TLE6: variants seen among roughly 807,000 people sequenced by gnomAD.
The protein encoded by TLE6 is transducin-like enhancer protein 6.
In TLE6, 72 loss-of-function variants were observed where a neutral mutation model predicts 77.1. That is an observed-to-expected ratio of 0.93 (90% CI 0.77 to 1.14). The LOEUF is 1.14. TLE6 is among the 50% of genes most tolerant of loss of function. TLE6 has a pLI of 0.00. For missense variants in TLE6, 843 were observed against 747.6 expected, an observed-to-expected ratio of 1.13 and a Z score of -1.49; for synonymous variants, 366 against 287.3, an observed-to-expected ratio of 1.27 and a Z score of -2.77.
At chr19:2,986,941 C>G (rs895154654) in intron 6 of TLE6, 42 bp from the exon 7 acceptor site, 3 of 1,556,304 alleles carry the variant, frequency 1.9e-6, no homozygotes, top group Non-Finnish European at 2.6e-6. Context: ...TGGGTGAAGG[C>G]TCATCCTCAA....
At position 2,994,887 on chromosome 19, in the gene TLE6, G is replaced by GC. The variant is rs750938767; in HGVS notation, c.1615-6dup. 2.5e-5 allele frequency: 39 copies of GC among 1,556,250 alleles called. No individual in the cohort carries two copies. Among genetic ancestry groups the GC allele is most frequent in the East Asian group, 9.1e-5 (4 of 43,810 alleles). ...GCCCTACCCCAGCTCACTGCCCACT[G>GC]CCCCCCCTCCAGGTGCCTGAGATGT... On this transcript the variant is annotated splice_polypyrimidine_tract_variant and intron_variant, in intron 16 of 16. Coordinates refer to ENST00000246112, the MANE Select transcript of TLE6 (RefSeq NM_001143986.2).
At chr19:2,991,726 A>G (rs2089069855) in intron 13 of TLE6, 117 bp from the exon 14 acceptor site, 1 of 950,412 alleles carries the variant, frequency 1.1e-6, no homozygotes, top group African/African-American at 1.6e-5. Flanking sequence ...CTGTGCAGGC[A>G]GAGATTTTTG....
chr19:2,980,017 C>G (rs2088764460), intron 2 of TLE6, 83 bp from the exon 3 acceptor site: 2 of 1,056,300 alleles, frequency 1.9e-6, no homozygotes, highest in Non-Finnish European at 2.8e-6. Context: ...AACCTAATGC[C>G]TATGCCATGT....
At chr19:2,994,796 C>G in intron 16 of TLE6, 104 bp from the exon 17 acceptor site, 2 of 661,738 alleles carry the variant, frequency 3.0e-6, no homozygotes, top group Admixed American at 4.9e-5. Context: ...AGAGCAAGAC[C>G]CTGTCTTTCT....
At chr19:2,993,041 A>AC (rs1568220138) in intron 14 of TLE6, among the ~76,000 whole-genome samples, 30 of 149,802 alleles carry the variant, frequency 2.0e-4, no homozygotes, top group African/African-American at 7.1e-4. Flanking sequence ...AAAAAAAAAA[A>AC]AAAAAAAAAA....
Position 2,987,710 on chromosome 19 carries a change from T to C in TLE6, c.559-14T>C, listed in dbSNP as rs751993896. ...GCAGGTCAGCAGGCCTGATGAGACT[T>C]TTCCATTTTCCAGGGGCAGGAAAGC... On this transcript the variant is annotated splice_polypyrimidine_tract_variant and intron_variant, in intron 8 of 16. Coordinates refer to ENST00000246112, the MANE Select transcript of TLE6 (RefSeq NM_001143986.2). 6.2e-7 allele frequency: 1 copy of C among 1,614,036 alleles called. No individual in the cohort carries two copies. Among genetic ancestry groups the C allele is most frequent in the Admixed American group, 1.7e-5 (1 of 59,998 alleles).
chr19:2,988,997 G>A, intron 11 of TLE6, 64 bp from the exon 12 acceptor site: 1 of 1,593,042 alleles, frequency 6.3e-7, no homozygotes, highest in Middle Eastern at 1.9e-4. Flanking sequence ...GCCTTGATGT[G>A]TGGCTCCCAC....
In TLE6 at chr19:2,995,060, C is replaced by CCA. The variant is rs1555687642; in HGVS notation, c.*57_*58insAC. 3.9e-6 allele frequency: 4 copies of CCA among 1,027,458 alleles called. No individual in the cohort carries two copies. The highest frequency in any genetic ancestry group is 4.1e-5 in the Admixed American group (2 of 48,502). The allele number at this position is 1,027,458 out of a possible 1,614,324, so 63.6% of individuals were successfully genotyped here. A position where few individuals can be genotyped will look rare whatever the true frequency, so the allele number is the denominator to read the frequency against. On this transcript the variant is annotated 3_prime_UTR_variant, in exon 17 of 17. Coordinates refer to ENST00000246112, the MANE Select transcript of TLE6 (RefSeq NM_001143986.2). The stretch of plus-strand genomic sequence containing the variant: ...TCCTCTTTTCATCCCCCCCCTTCCC[C>CCA]CCCCCCAACAAGGGGGACATGGTGG...
At chr19:2,985,982 G>A (rs1016661853) in intron 5 of TLE6, among the ~76,000 whole-genome samples, 2 of 145,076 alleles carry the variant, frequency 1.4e-5, no homozygotes, top group African/African-American at 2.5e-5. Flanking sequence ...GCTGAGGCAG[G>A]AGAATTGCTT....
chr19:2,982,156 G>C lies in TLE6; in HGVS notation c.189G>C (p.Lys63Asn), dbSNP rs963416130. The change falls in exon 5 of 17, where the codon AAG becomes AAC. Residue 63 changes from lysine to asparagine, a missense_variant. Physicochemically the swap from Lys to Asn is moderately conservative, Grantham distance 94 (BLOSUM62 0). Coordinates refer to ENST00000246112, the MANE Select transcript of TLE6 (RefSeq NM_001143986.2). Reference protein sequence around the residue: ...ELESIYYSLHKIQQDVAEHHK... With the variant: ...ELESIYYSLHNIQQDVAEHHK... ...CTGTTTTCCCTTTGCAGCTGCACAAGATCCAGCAGGATGTGGCAGAACATC... is the reference window on the plus strand; with the variant it reads ...CTGTTTTCCCTTTGCAGCTGCACAACATCCAGCAGGATGTGGCAGAACATC... 1 of 1,551,516 alleles carries C rather than the reference G, an allele frequency of 6.4e-7. No homozygotes were observed. The highest frequency in any genetic ancestry group is 8.7e-7 in the Non-Finnish European group (1 of 1,146,948).
intron 8 of TLE6, 69 bp from the exon 9 acceptor site, chr19:2,987,655 C>G: frequency 6.4e-7 from 1 of 1,572,108 alleles, no homozygotes; most frequent in Non-Finnish European, 8.8e-7. Flanking sequence ...GCAAGCTGCC[C>G]AGGAATCCGA....
chr19:2,990,646 T>TA (rs1250016522), intron 13 of TLE6, among the ~76,000 whole-genome samples: 1 of 144,506 alleles, frequency 6.9e-6, no homozygotes, highest in African/African-American at 2.6e-5. Flanking sequence ...AATAAATATA[T>TA]ATATAAATAC....
chr19:2,986,701 G>C (rs761211123), intron 5 of TLE6, 128 bp from the exon 6 acceptor site: 228 of 933,256 alleles, frequency 2.4e-4, no homozygotes, highest in Non-Finnish European at 3.3e-4. Flanking sequence ...GTGACAGAGT[G>C]AGACTCTGTC....
Position 2,987,035 on chromosome 19 carries a change from A to AG in TLE6, c.339dup (p.Thr114AspfsTer8). On this transcript the variant is annotated frameshift_variant, in exon 7 of 17. Transcript: ENST00000246112. LOFTEE classifies it high-confidence loss of function. ...GGGACGCCCCAGCAGGTGAAGGACAAGACCCTGCAGGAGTCGAGCTTTGAG... is the reference window on the plus strand; with the variant it reads ...GGGACGCCCCAGCAGGTGAAGGACAAGGACCCTGCAGGAGTCGAGCTTTGAG... 1 of 1,614,052 alleles carries AG rather than the reference A, an allele frequency of 6.2e-7. No homozygotes were observed. The highest frequency in any genetic ancestry group is 8.5e-7 in the Non-Finnish European group (1 of 1,179,940).
intron 3 of TLE6, 55 bp downstream of exon 3, chr19:2,980,237 C>T (rs2088770410): frequency 1.4e-6 from 2 of 1,454,630 alleles, no homozygotes; most frequent in Non-Finnish European, 1.9e-6. Flanking sequence ...CCCCACCTGG[C>T]CTCTCTCCCG....
chr19:2,979,571 CT>C (rs1198626137), intron 2 of TLE6, among the ~76,000 whole-genome samples: 1 of 151,878 alleles, frequency 6.6e-6, no homozygotes, highest in Non-Finnish European at 1.5e-5. Flanking sequence ...ATATTTTGTG[CT>C]TCTATTTTCA....
Position 2,995,120 on chromosome 19 carries a change from G to A in TLE6, c.*116G>A, listed in dbSNP as rs938507257. The A allele has an allele frequency of 1.3e-5, 9 of 668,228 alleles. No individual in the cohort carries two copies. Among genetic ancestry groups the A allele is most frequent in the African/African-American group, 8.9e-5 (5 of 56,034 alleles). The allele number at this position is 668,228 out of a possible 1,614,324, so 41.4% of individuals were successfully genotyped here. A position where few individuals can be genotyped will look rare whatever the true frequency, so the allele number is the denominator to read the frequency against. ...GGAAGGCTCTTCTGTGGCATCGCACGATCTAGTCTGTGGTGTAGACTGGTC... is the reference window on the plus strand; with the variant it reads ...GGAAGGCTCTTCTGTGGCATCGCACAATCTAGTCTGTGGTGTAGACTGGTC... On this transcript the variant is annotated 3_prime_UTR_variant, in exon 17 of 17. Coordinates refer to ENST00000246112, the MANE Select transcript of TLE6 (RefSeq NM_001143986.2).
In TLE6 at chr19:2,995,061, C is replaced by T. The variant is rs1428765664; in HGVS notation, c.*57C>T. 4.9e-6 allele frequency: 5 copies of T among 1,030,762 alleles called. No individual in the cohort carries two copies. The East Asian group carries it at 7.9e-5, about 16-fold the overall frequency. The allele number at this position is 1,030,762 out of a possible 1,614,324, so 63.9% of individuals were successfully genotyped here. ...CCTCTTTTCATCCCCCCCCTTCCCC[C>T]CCCCCAACAAGGGGGACATGGTGGA... On this transcript the variant is annotated 3_prime_UTR_variant, in exon 17 of 17. Transcript: ENST00000246112.
chr19:2,988,242 C>T (rs1010767354), intron 11 of TLE6, 114 bp downstream of exon 11: 2 of 1,167,172 alleles, frequency 1.7e-6, no homozygotes, highest in South Asian at 2.9e-5. Context: ...GACTTTCTTC[C>T]CCTTTTCCCA....
Sources: allele counts gnomAD v4.1 joint callset (sites outside exome capture counted in the v4.1 genomes callset), GRCh38; gene constraint gnomAD v4.1.1; transcripts MANE v1.5; gene names NCBI Gene and HGNC (gene_info 2026-07-23, HGNC 2026-07-21).